UBE2V2: variants seen among roughly 807,000 people sequenced by gnomAD.
UBE2V2 encodes the protein ubiquitin-conjugating enzyme E2 variant 2.
In UBE2V2, 9 loss-of-function variants were observed where a neutral mutation model predicts 17.2. The ratio of observed to expected loss-of-function variants is 0.52; its 90% CI spans 0.32 to 0.91. UBE2V2 has a LOEUF of 0.91. UBE2V2 is among the 40% of genes least tolerant of loss of function. The pLI, the probability that UBE2V2 is intolerant of heterozygous loss-of-function variation, is 0.04. For missense variants in UBE2V2, 133 were observed against 182.6 expected (o/e 0.73, Z 1.56); for synonymous variants, 61 against 57.5 (o/e 1.06, Z -0.28).
chr8:48,036,331 A>G (rs564946486), intron 1 of UBE2V2, among the ~76,000 whole-genome samples: 4 of 152,226 alleles, frequency 2.6e-5, no homozygotes, highest in South Asian at 2.1e-4. Flanking sequence ...ATGAAGGAAT[A>G]TTAAAGGAGG....
chr8:48,030,459 G>A (rs777352300), intron 1 of UBE2V2, among the ~76,000 whole-genome samples: 11 of 152,180 alleles, frequency 7.2e-5, no homozygotes, highest in Non-Finnish European at 1.2e-4. Flanking sequence ...AGTGGCTCAC[G>A]CTTCTAATCC....
chr8:48,007,658 T>C (rs889379843), upstream of UBE2V2, among the ~76,000 whole-genome samples: 2 of 148,618 alleles, frequency 1.3e-5, no homozygotes, highest in African/African-American at 5.0e-5. Flanking sequence ...CAAGCCATCC[T>C]CCTGCCTCAG....
upstream of UBE2V2, chr8:48,008,429 G>A (rs1277694305): frequency 1.3e-5 from 21 of 1,562,700 alleles, no homozygotes; most frequent in Non-Finnish European, 1.8e-5. Context: ...GTGCGTGCGG[G>A]CGGCTGCGTC....
chr8:48,027,956 C>T (rs900628664), intron 1 of UBE2V2, among the ~76,000 whole-genome samples: 3 of 151,086 alleles, frequency 2.0e-5, no homozygotes, highest in East Asian at 2.0e-4. Flanking sequence ...TGGGTTCAAG[C>T]GATTCTCCTG....
At chr8:48,010,624 A>T (rs1282431271) in intron 1 of UBE2V2, among the ~76,000 whole-genome samples, 1 of 147,884 alleles carries the variant, frequency 6.8e-6, no homozygotes, top group African/African-American at 2.5e-5. Flanking sequence ...GATGGTCTTG[A>T]TCTCTTGACC....
intron 3 of UBE2V2, among the ~76,000 whole-genome samples, chr8:48,054,383 C>T (rs1027419048): frequency 6.6e-6 from 1 of 152,262 alleles, no homozygotes; most frequent in East Asian, 1.9e-4. Context: ...TAACAGGACC[C>T]TCTGAATGTA....
chr8:48,037,128 G>C (rs781015691), intron 1 of UBE2V2, among the ~76,000 whole-genome samples: 1 of 152,234 alleles, frequency 6.6e-6, no homozygotes. Context: ...GCAGTGAGCC[G>C]AGATCGTGCC....
chr8:48,047,995 GTTTT>G (rs11368838), intron 2 of UBE2V2, among the ~76,000 whole-genome samples: 3 of 139,568 alleles, frequency 2.1e-5, no homozygotes, highest in African/African-American at 2.7e-5. Flanking sequence ...AGAGCTTTGG[GTTTT>G]TTTTTTTTTT....
chr8:48,030,578 G>C (rs1318515763), intron 1 of UBE2V2, among the ~76,000 whole-genome samples: 1 of 152,112 alleles, frequency 6.6e-6, no homozygotes, highest in African/African-American at 2.4e-5. Flanking sequence ...AAAATTAGCT[G>C]GATGTAGTGG....
At chr8:48,011,801 G>T (rs11987748) in intron 1 of UBE2V2, among the ~76,000 whole-genome samples, 3 of 152,172 alleles carry the variant, frequency 2.0e-5, no homozygotes, top group South Asian at 2.1e-4. Flanking sequence ...ACACAGGCAC[G>T]CATTGCCACA....
the UBE2V2 span, among the ~76,000 whole-genome samples, chr8:48,001,153 C>G: frequency 6.6e-6 from 1 of 152,076 alleles, no homozygotes; most frequent in Admixed American, 6.5e-5. Flanking sequence ...ACAAAGTAAC[C>G]GACAATTAGG....
intron 1 of UBE2V2, among the ~76,000 whole-genome samples, chr8:48,040,041 T>A (rs908478232): frequency 2.5e-5 from 3 of 118,224 alleles, no homozygotes; most frequent in Admixed American, 2.3e-4. Flanking sequence ...CCTTTTCTAC[T>A]TTTTTTTTTT....
At chr8:48,025,987 T>C (rs1295985085) in intron 1 of UBE2V2, among the ~76,000 whole-genome samples, 1 of 152,182 alleles carries the variant, frequency 6.6e-6, no homozygotes, top group Non-Finnish European at 1.5e-5. Flanking sequence ...GAAACGTATC[T>C]CTGTATCAGA....
chr8:48,021,398 C>G (rs1589852545), intron 1 of UBE2V2, among the ~76,000 whole-genome samples: 1 of 151,082 alleles, frequency 6.6e-6, no homozygotes, highest in East Asian at 1.9e-4. Flanking sequence ...GCTCTGCCTC[C>G]CAGGTTCATG....
intron 1 of UBE2V2, among the ~76,000 whole-genome samples, chr8:48,039,136 G>A (rs1055720188): frequency 2.6e-5 from 4 of 152,036 alleles, no homozygotes; most frequent in African/African-American, 9.7e-5. Context: ...CTGCCCTCAG[G>A]TGATCCACCT....
In UBE2V2 at chr8:48,063,100, G is replaced by T. The variant is rs1802619499; in HGVS notation, c.*2272G>T. On this transcript the variant is annotated 3_prime_UTR_variant, in exon 4 of 4. Transcript: ENST00000523111. The stretch of plus-strand genomic sequence containing the variant: ...GAGGGTCTGGGTACCTCAGTCTCTT[G>T]TCCTGTTTCCTTCCCCCAAATCCAC... The T allele has an allele frequency of 6.6e-6, 1 of 152,190 alleles. No homozygotes were observed. The highest frequency in any genetic ancestry group is 1.5e-5 in the Non-Finnish European group (1 of 68,044). The allele number at this position is 152,190 out of a possible 1,614,324, so 9.4% of individuals were successfully genotyped here. A position where few individuals can be genotyped will look rare whatever the true frequency, so the allele number is the denominator to read the frequency against.
chr8:48,049,444 T>C (rs2091520776), intron 2 of UBE2V2: 3 of 165,220 alleles, frequency 1.8e-5, no homozygotes, highest in Admixed American at 6.1e-5. Flanking sequence ...AACCTTCATA[T>C]ATGTTTAACA....
intron 1 of UBE2V2, among the ~76,000 whole-genome samples, chr8:48,016,048 C>T (rs1198460832): frequency 6.6e-6 from 1 of 152,054 alleles, no homozygotes; most frequent in Non-Finnish European, 1.5e-5. Context: ...CTGGCACCCG[C>T]CGCCAAGCCC....
chr8:48,022,801 T>C (rs935295433), intron 1 of UBE2V2, among the ~76,000 whole-genome samples: 2 of 151,718 alleles, frequency 1.3e-5, no homozygotes, highest in African/African-American at 4.8e-5. Context: ...GATTTTTTCC[T>C]GGTCGCATTT....
Sources: gnomAD v4.1 joint callset for allele counts (sites outside exome capture counted in the v4.1 genomes callset) on GRCh38, gnomAD v4.1.1 for gene constraint, MANE v1.5 for transcripts, NCBI Gene and HGNC (gene_info 2026-07-23, HGNC 2026-07-21) for gene names.